PTGER4: variants seen among roughly 807,000 people sequenced by gnomAD.
PTGER4 encodes prostaglandin E receptor 4.
PTGER4 carries 11 observed loss-of-function variants against 33.2 expected under a neutral mutation model. That is an observed-to-expected ratio of 0.33 (90% CI 0.21 to 0.55). The LOEUF (loss-of-function observed/expected upper bound fraction) is 0.55. Among genes scored for constraint, PTGER4 ranks in the 20% least tolerant of loss-of-function variants. The pLI is 0.92. For missense variants in PTGER4, 481 were observed against 650.2 expected (o/e 0.74, Z 2.83); for synonymous variants, 275 against 281.5 (o/e 0.98, Z 0.23).
the PTGER4 span, among the ~76,000 whole-genome samples, chr5:40,704,665 T>C: frequency 2.6e-5 from 4 of 152,096 alleles, no homozygotes; most frequent in Non-Finnish European, 2.9e-5. Context: ...AAATCACTAG[T>C]ATTCCTATAC....
intron 2 of PTGER4, among the ~76,000 whole-genome samples, chr5:40,687,679 C>T (rs1005174388): frequency 1.3e-5 from 2 of 152,142 alleles, no homozygotes; most frequent in Non-Finnish European, 1.5e-5. Context: ...AATTGAAATA[C>T]GCTGCAAAGT....
chr5:40,738,499 C>CAATAA, the PTGER4 span, among the ~76,000 whole-genome samples: 2,680 of 80,112 alleles, frequency 0.033, 68 homozygotes, highest in African/African-American at 0.051. Context: ...CAATACAATA[C>CAATAA]AATACAATAA....
At chr5:40,716,586 T>C in the PTGER4 span, 1 of 794,188 alleles carries the variant, frequency 1.3e-6, no homozygotes, top group Non-Finnish European at 2.0e-6. Context: ...ATATATACTG[T>C]ACACATACAC....
the PTGER4 span, among the ~76,000 whole-genome samples, chr5:40,702,579 A>G: frequency 6.6e-6 from 1 of 152,336 alleles, no homozygotes; most frequent in East Asian, 1.9e-4. Flanking sequence ...ACTTCAACAC[A>G]CCACTGATAG....
chr5:40,710,812 C>A, the PTGER4 span, among the ~76,000 whole-genome samples: 2 of 152,094 alleles, frequency 1.3e-5, no homozygotes, highest in African/African-American at 2.4e-5. Context: ...TCATTCTCAG[C>A]AAACTATCAC....
At chr5:40,719,673 C>T in the PTGER4 span, among the ~76,000 whole-genome samples, 2 of 152,122 alleles carry the variant, frequency 1.3e-5, no homozygotes, top group Admixed American at 6.6e-5. Context: ...CAGCAATGGA[C>T]GAGGACTCCA....
Sources: gnomAD v4.1 joint callset for allele counts (sites outside exome capture counted in the v4.1 genomes callset) on GRCh38, gnomAD v4.1.1 for gene constraint, MANE v1.5 for transcripts, NCBI Gene and HGNC (gene_info 2026-07-23, HGNC 2026-07-21) for gene names.